FBXW11: variants seen among roughly 807,000 people sequenced by gnomAD.
FBXW11 encodes F-box and WD repeat domain containing 11.
Under a neutral mutation model 77.6 loss-of-function variants are expected in FBXW11, and 19 were observed. The ratio of observed to expected loss-of-function variants is 0.24; its 90% confidence interval spans 0.17 to 0.36. The LOEUF (loss-of-function observed/expected upper bound fraction) is 0.36, where lower values mean the gene tolerates loss of function less well. Ranked by LOEUF, FBXW11 falls within the 10% of genes least tolerant of loss-of-function variation. FBXW11 has a pLI of 1.00. For synonymous variants in FBXW11, 235 were observed against 249.4 expected, an observed-to-expected ratio of 0.94 and a Z score of 0.54; for missense variants, 334 against 704.2, an observed-to-expected ratio of 0.47 and a Z score of 5.95.
chr5:171,863,459 A>C lies in FBXW11; in HGVS notation c.*668T>G, dbSNP rs1757204030. ...GTTGGGGGACAGAGAACAGTTAATA[A>C]AAGAAAGAGCTATATTACCTGTTGG... On this transcript the variant is annotated 3_prime_UTR_variant, in exon 14 of 14. Transcript: ENST00000517395. The C allele has an allele frequency of 6.6e-6, 1 of 152,594 alleles. No homozygotes were observed. Among genetic ancestry groups the C allele is most frequent in the Non-Finnish European group, 1.5e-5 (1 of 68,044 alleles). The allele number at this position is 152,594 out of a possible 1,614,324, so 9.5% of individuals were successfully genotyped here. A position where few individuals can be genotyped will look rare whatever the true frequency, so the allele number is the denominator to read the frequency against.
rs1428374689 is a variant in FBXW11 at position 171,905,589 on chromosome 5, A to AACCC, written c.436+4982_436+4983insGGGT. On this transcript the variant is annotated intron_variant, in intron 4 of 13. Coordinates refer to ENST00000517395, the MANE Select transcript of FBXW11 (RefSeq NM_001378974.1). ...ACGCATCTCCTCCAGCAAAAAGCTA[A>AACCC]CCCCCCCCCCTTTATTTTCTTGGTA... 2.7e-5 allele frequency among the ~76,000 whole-genome samples: 3 copies of AACCC among 111,218 alleles called. No homozygotes were observed. The East Asian group carries it at 1.1e-3, about 39-fold the overall frequency. 73.0% of individuals were successfully genotyped at this position (111,218 alleles called of 152,430 possible).
chr5:172,006,027 A>G (rs969194729), intron 1 of FBXW11, among the ~76,000 whole-genome samples: 6 of 151,474 alleles, frequency 4.0e-5, no homozygotes, highest in Non-Finnish European at 8.8e-5. Context: ...GCCCCAACCC[A>G]TCTCCGTACT....
At chr5:171,915,637 G>GT (rs1761177860) in intron 2 of FBXW11, among the ~76,000 whole-genome samples, 1 of 151,630 alleles carries the variant, frequency 6.6e-6, no homozygotes, top group African/African-American at 2.4e-5. Context: ...GTGTGTGTGT[G>GT]TGTGTGTGTG....
At chr5:171,986,730 A>C (rs1038564995) in intron 1 of FBXW11, among the ~76,000 whole-genome samples, 1 of 48,024 alleles carries the variant, frequency 2.1e-5, no homozygotes, top group African/African-American at 3.1e-5. Flanking sequence ...CCGTCTCAAA[A>C]AAAAAAGAAA....
intron 1 of FBXW11, among the ~76,000 whole-genome samples, chr5:171,978,700 A>C (rs1197754656): frequency 1.3e-5 from 2 of 152,198 alleles, no homozygotes; most frequent in African/African-American, 2.4e-5. Flanking sequence ...TGGCCATTTC[A>C]ATCACAAAAG....
chr5:171,883,734 T>G (rs1758688240), intron 7 of FBXW11, among the ~76,000 whole-genome samples: 2 of 152,178 alleles, frequency 1.3e-5, no homozygotes, highest in African/African-American at 4.8e-5. Context: ...CATTTTATCA[T>G]GTTTGTCGGG....
intron 4 of FBXW11, among the ~76,000 whole-genome samples, chr5:171,905,443 A>G (rs1581178842): frequency 6.6e-6 from 1 of 152,206 alleles, no homozygotes; most frequent in East Asian, 1.9e-4. Flanking sequence ...CTAGGTAAAT[A>G]AGAAGTTCAC....
At chr5:171,989,822 A>G (rs182581629) in intron 1 of FBXW11, among the ~76,000 whole-genome samples, 95 of 152,354 alleles carry the variant, frequency 6.2e-4, no homozygotes, top group African/African-American at 2.1e-3. Flanking sequence ...TTGATGCTTG[A>G]TATTATATTA....
intron 2 of FBXW11, among the ~76,000 whole-genome samples, chr5:171,956,957 C>T (rs568463059): frequency 6.6e-6 from 1 of 152,330 alleles, no homozygotes; most frequent in East Asian, 1.9e-4. Context: ...CTGAGCAACC[C>T]TTTCCCATCC....
chr5:171,943,561 C>T (rs1186791815), intron 2 of FBXW11, among the ~76,000 whole-genome samples: 3 of 152,148 alleles, frequency 2.0e-5, no homozygotes, highest in African/African-American at 4.8e-5. Context: ...CAGGTTCAAG[C>T]GATTCTCCTG....
chr5:171,953,435 G>A (rs1469560617), intron 2 of FBXW11, among the ~76,000 whole-genome samples: 4 of 152,052 alleles, frequency 2.6e-5, no homozygotes, highest in African/African-American at 9.7e-5. Context: ...ATGCTTATTA[G>A]AAAACAGACA....
At chr5:171,998,329 TTCTTG>T (rs1766186250) in intron 1 of FBXW11, among the ~76,000 whole-genome samples, 2 of 146,210 alleles carry the variant, frequency 1.4e-5, no homozygotes, top group South Asian at 4.2e-4. Flanking sequence ...TGATATTTTT[TTCTTG>T]TCTTTTTTTT....
rs550375123 is a variant in FBXW11 at position 171,972,708 on chromosome 5, C to T, written c.46-15010G>A. Among the ~76,000 whole-genome samples the T allele has an allele frequency of 5.5e-4, 84 of 152,048 alleles. No individual in the cohort carries two copies. In the South Asian group the frequency reaches 6.2e-3, roughly 11 times the overall value. On this transcript the variant is annotated intron_variant, in intron 1 of 13. Transcript: ENST00000517395. ...TACAGGCGCCCACCACCACACCTAG[C>T]TAATTTTTGTATTTTTAGTAGAGAT...
At chr5:171,984,681 T>C (rs1765338977) in intron 1 of FBXW11, among the ~76,000 whole-genome samples, 1 of 152,176 alleles carries the variant, frequency 6.6e-6, no homozygotes, top group Non-Finnish European at 1.5e-5. Flanking sequence ...TGTAGGAAAA[T>C]TAAATACATG....
At chr5:171,881,667 C>CTT (rs897930178) in intron 7 of FBXW11, among the ~76,000 whole-genome samples, 1 of 152,140 alleles carries the variant, frequency 6.6e-6, no homozygotes. Context: ...TAATTTCTTA[C>CTT]TTAAATGTTT....
At chr5:171,960,514 A>C (rs754418695) in intron 1 of FBXW11, among the ~76,000 whole-genome samples, 8 of 152,236 alleles carry the variant, frequency 5.3e-5, no homozygotes, top group African/African-American at 1.2e-4. Context: ...ATTTGCCTCA[A>C]AGGGTAAAAA....
chr5:171,918,242 G>A (rs1023958427), intron 2 of FBXW11, among the ~76,000 whole-genome samples: 3 of 151,916 alleles, frequency 2.0e-5, no homozygotes, highest in African/African-American at 7.3e-5. Flanking sequence ...AAACACTTTT[G>A]GTCCCAAGCA....
intron 1 of FBXW11, among the ~76,000 whole-genome samples, chr5:171,994,133 A>G (rs1416487053): frequency 6.6e-6 from 1 of 152,214 alleles, no homozygotes; most frequent in Non-Finnish European, 1.5e-5. Flanking sequence ...AAATCAGAAT[A>G]TATAGTTTTA....
intron 2 of FBXW11, among the ~76,000 whole-genome samples, chr5:171,950,620 T>A (rs1029720058): frequency 1.4e-4 from 22 of 152,294 alleles, no homozygotes; most frequent in Admixed American, 9.1e-4. Flanking sequence ...GTGCGGTGGC[T>A]CATGCCTGTA....
Sources: gnomAD v4.1 joint callset for allele counts (sites outside exome capture counted in the v4.1 genomes callset) on GRCh38, gnomAD v4.1.1 for gene constraint, MANE v1.5 for transcripts, NCBI Gene and HGNC (gene_info 2026-07-23, HGNC 2026-07-21) for gene names.